The following SLIT2 variants were observed in gnomAD, a reference collection of about 807,000 sequenced individuals.
SLIT2 encodes slit guidance ligand 2, also known as slit homolog 2 protein.
Under a neutral mutation model 185.7 loss-of-function variants are expected in SLIT2, and 41 were observed. The ratio of observed to expected loss-of-function variants is 0.22; its 90% CI spans 0.17 to 0.29. SLIT2 has a LOEUF of 0.29. Among genes scored for constraint, SLIT2 ranks in the 10% least tolerant of loss-of-function variants. SLIT2 has a pLI of 1.00. For synonymous variants in SLIT2, 693 were observed against 680.2 expected, an observed-to-expected ratio of 1.02 and a Z score of -0.29; for missense variants, 1,571 against 1,909.0, an observed-to-expected ratio of 0.82 and a Z score of 3.30.
chr4:20,401,715 A>G (rs2109400094), intron 4 of SLIT2, among the ~76,000 whole-genome samples: 1 of 151,984 alleles, frequency 6.6e-6, no homozygotes, highest in South Asian at 2.1e-4. Context: ...TATGATCCCA[A>G]ATAGTGAGAC....
chr4:20,416,410 T>C (rs993585228), intron 4 of SLIT2, among the ~76,000 whole-genome samples: 2 of 152,186 alleles, frequency 1.3e-5, no homozygotes, highest in African/African-American at 2.4e-5. Flanking sequence ...TATTATCTCA[T>C]TTAATGTAGT....
chr4:20,564,517 G>A (rs969760173), intron 26 of SLIT2, among the ~76,000 whole-genome samples: 2 of 151,892 alleles, frequency 1.3e-5, no homozygotes, highest in Admixed American at 1.3e-4. Context: ...AACATCTTTT[G>A]TATTACCCTT....
intron 33 of SLIT2, among the ~76,000 whole-genome samples, chr4:20,609,565 T>A (rs1420703572): frequency 3.3e-5 from 5 of 152,208 alleles, no homozygotes; most frequent in African/African-American, 9.6e-5. Flanking sequence ...CAGTTTTTTT[T>A]AAGAGCAGAA....
rs191275372 is a variant in SLIT2 at position 20,516,943 on chromosome 4, T to C, written c.1059-2439T>C. ...TAGCATCTGTTACTTTTTAACATGGTCTTAAAGAAAGCAGTGATTTATTGA... is the reference window on the plus strand; with the variant it reads ...TAGCATCTGTTACTTTTTAACATGGCCTTAAAGAAAGCAGTGATTTATTGA... On this transcript the variant is annotated intron_variant, in intron 11 of 36. Coordinates refer to ENST00000504154, the MANE Select transcript of SLIT2 (RefSeq NM_004787.4). Among the ~76,000 whole-genome samples the C allele has an allele frequency of 2.0e-5, 3 of 152,320 alleles. No homozygotes were observed. The East Asian group carries it at 5.8e-4, about 29-fold the overall frequency.
chr4:20,410,728 G>C (rs1727184530), intron 4 of SLIT2, among the ~76,000 whole-genome samples: 1 of 152,036 alleles, frequency 6.6e-6, no homozygotes, highest in Non-Finnish European at 1.5e-5. Flanking sequence ...GATGGTTGTA[G>C]GTGTGCAGTC....
intron 5 of SLIT2, among the ~76,000 whole-genome samples, chr4:20,470,484 C>CTGTGTGTGTGTGTGTG (rs540814034): frequency 1.4e-4 from 18 of 129,280 alleles, no homozygotes; most frequent in Admixed American, 6.2e-4. Flanking sequence ...GCAGTGGAGT[C>CTGTGTGTGTGTGTGTG]TGTGTGTGTG....
At chr4:20,296,231 G>T (rs1165479816) in intron 4 of SLIT2, among the ~76,000 whole-genome samples, 1 of 152,088 alleles carries the variant, frequency 6.6e-6, no homozygotes, top group Non-Finnish European at 1.5e-5. Context: ...CATACTTACA[G>T]TAATTTCAAA....
At chr4:20,353,996 G>T (rs1159057681) in intron 4 of SLIT2, among the ~76,000 whole-genome samples, 1 of 152,072 alleles carries the variant, frequency 6.6e-6, no homozygotes, top group South Asian at 2.1e-4. Context: ...TGTTCATTGC[G>T]TAGGATAAAA....
Position 20,294,600 on chromosome 4 carries a change from G to A in SLIT2, c.395+25719G>A, listed in dbSNP as rs915168559. On this transcript the variant is annotated intron_variant, in intron 4 of 36. Coordinates refer to ENST00000504154, the MANE Select transcript of SLIT2 (RefSeq NM_004787.4). The stretch of plus-strand genomic sequence containing the variant: ...TGTTTAGTTTTGGCTCTAAGAGGAA[G>A]GAAAGGAAATTCACATTTTGTTTGT... Among the ~76,000 whole-genome samples the A allele has an allele frequency of 2.0e-5, 3 of 152,136 alleles. No homozygotes were observed. The East Asian group carries it at 5.8e-4, about 29-fold the overall frequency.
intron 4 of SLIT2, among the ~76,000 whole-genome samples, chr4:20,419,916 G>T (rs1451891053): frequency 6.6e-6 from 1 of 151,902 alleles, no homozygotes; most frequent in Admixed American, 6.6e-5. Context: ...CTTTCTTTTG[G>T]TCCTAGAAAA....
intron 9 of SLIT2, among the ~76,000 whole-genome samples, chr4:20,494,323 AAAAT>A (rs1438164768): frequency 6.6e-6 from 1 of 152,210 alleles, no homozygotes; most frequent in Non-Finnish European, 1.5e-5. Flanking sequence ...GTAATGGAGA[AAAAT>A]AAACCAGACT....
In SLIT2 at chr4:20,253,935, C is replaced by A. The variant is rs1722243970; in HGVS notation, c.120C>A (p.Asp40Glu). The stretch of plus-strand genomic sequence containing the variant: ...GCTCTTGCTCGGGCAGCACAGTGGA[C>A]TGTCACGGGCTGGCGCTGCGCAGCG... ...AQCSCSGSTV[D>E]CHGLALRSVP... The change falls in exon 1 of 37, where the codon GAC (aspartate) becomes GAA (glutamate). Residue 40 changes from aspartate (D) to glutamate (E), a missense_variant. Transcript: ENST00000504154. 6 of 1,602,798 alleles carry A rather than the reference C, an allele frequency of 3.7e-6. No homozygotes were observed. Among genetic ancestry groups the A allele is most frequent in the Admixed American group, 1.7e-5 (1 of 60,020 alleles).
chr4:20,603,672 G>T (rs1243803580), intron 33 of SLIT2, among the ~76,000 whole-genome samples: 1 of 152,132 alleles, frequency 6.6e-6, no homozygotes, highest in Non-Finnish European at 1.5e-5. Context: ...CACCTTACTA[G>T]TGTACAGTTT....
At position 20,500,680 on chromosome 4, in the gene SLIT2, A is replaced by G. The variant is rs577159945; in HGVS notation, c.914+8781A>G. ...AATTCCCATGGAAACACTATGTAGG[A>G]AACTATACGTCTCCTAAAGGTTAGG... is the stretch of plus-strand genomic sequence containing the variant. On this transcript the variant is annotated intron_variant, in intron 9 of 36. Coordinates refer to ENST00000504154, the MANE Select transcript of SLIT2 (RefSeq NM_004787.4). Among the ~76,000 whole-genome samples, 17 of 152,310 alleles carry G rather than the reference A, an allele frequency of 1.1e-4. No homozygotes were observed. The East Asian group carries it at 3.1e-3, about 28-fold the overall frequency.
At chr4:20,604,857 A>T (rs376764788) in intron 33 of SLIT2, among the ~76,000 whole-genome samples, 20 of 145,260 alleles carry the variant, frequency 1.4e-4, no homozygotes, top group African/African-American at 4.1e-4. Context: ...TTTTTTTTAG[A>T]TGGAGTATTG....
At chr4:20,342,715 C>A (rs991315415) in intron 4 of SLIT2, among the ~76,000 whole-genome samples, 1 of 111,706 alleles carries the variant, frequency 9.0e-6, no homozygotes. Flanking sequence ...TCGACTATCG[C>A]ACTTTTTTTT....
chr4:20,607,905 A>G (rs567535554), intron 33 of SLIT2, among the ~76,000 whole-genome samples: 6 of 152,224 alleles, frequency 3.9e-5, no homozygotes, highest in African/African-American at 1.4e-4. Flanking sequence ...TACTCTCTCC[A>G]TGTCTGTCTT....
intron 18 of SLIT2, among the ~76,000 whole-genome samples, chr4:20,535,734 T>G (rs1722212501): frequency 6.6e-6 from 1 of 152,210 alleles, no homozygotes; most frequent in African/African-American, 2.4e-5. Flanking sequence ...TTCTTCTATC[T>G]GCTCATAGGG....
chr4:20,366,565 G>A (rs1409262405), intron 4 of SLIT2, among the ~76,000 whole-genome samples: 3 of 151,982 alleles, frequency 2.0e-5, no homozygotes, highest in African/African-American at 7.2e-5. Flanking sequence ...TTCTGGGAAT[G>A]CAAAATAATA....
Sources: gnomAD v4.1 joint callset for allele counts (sites outside exome capture counted in the v4.1 genomes callset) on GRCh38, gnomAD v4.1.1 for gene constraint, MANE v1.5 for transcripts, NCBI Gene and HGNC (gene_info 2026-07-23, HGNC 2026-07-21) for gene names.